Variants in KCNIP4 observed in about 807,000 individuals in gnomAD.
KCNIP4 encodes the protein potassium voltage-gated channel interacting protein 4.
Under a neutral mutation model 34.0 loss-of-function variants are expected in KCNIP4, and 12 were observed. That is an observed-to-expected ratio of 0.35 (90% confidence interval 0.23 to 0.57). The LOEUF is 0.57. Ranked by LOEUF, KCNIP4 falls within the 20% of genes least tolerant of loss-of-function variation. KCNIP4 has a pLI of 0.83. For synonymous variants in KCNIP4, 124 were observed against 102.2 expected (o/e 1.21, Z -1.29); for missense variants, 238 against 311.7 (o/e 0.76, Z 1.78).
chr4:20,729,235 G>A lies in KCNIP4; in HGVS notation c.*847C>T, dbSNP rs1747082091. The A allele has an allele frequency of 6.6e-6, 1 of 151,984 alleles. No individual in the cohort carries two copies. The highest frequency in any genetic ancestry group is 1.5e-5 in the Non-Finnish European group (1 of 68,000). 9.4% of individuals were successfully genotyped at this position (151,984 alleles called of 1,614,324 possible). On this transcript the variant is annotated 3_prime_UTR_variant, in exon 9 of 9. Transcript: ENST00000382152. ...TGTTATTAAGCATTACTATATACTGGAGGATAGATATCCTGACCCTTTGCA... is the reference window on the plus strand; with the variant it reads ...TGTTATTAAGCATTACTATATACTGAAGGATAGATATCCTGACCCTTTGCA...
At chr4:21,679,096 A>AT (rs1750142537) in intron 1 of KCNIP4, among the ~76,000 whole-genome samples, 1 of 152,176 alleles carries the variant, frequency 6.6e-6, no homozygotes, top group Non-Finnish European at 1.5e-5. Context: ...CAACCTGCTC[A>AT]TACCCTGACT....
chr4:20,917,217 T>C (rs569718952), intron 1 of KCNIP4, among the ~76,000 whole-genome samples: 28 of 151,342 alleles, frequency 1.9e-4, no homozygotes, highest in Admixed American at 1.1e-3. Context: ...TTTGTATTTT[T>C]AGTAGAAAGG....
At chr4:21,728,394 G>C (rs117690347) in intron 1 of KCNIP4, among the ~76,000 whole-genome samples, 3 of 152,086 alleles carry the variant, frequency 2.0e-5, no homozygotes, top group African/African-American at 7.2e-5. Flanking sequence ...CATAATTGAA[G>C]TACTTCCCAC....
chr4:21,448,245 T>C (rs547352764), intron 1 of KCNIP4, among the ~76,000 whole-genome samples: 1 of 152,066 alleles, frequency 6.6e-6, no homozygotes, highest in Non-Finnish European at 1.5e-5. Context: ...AAGTGAGGAG[T>C]ACAATAGAGA....
At chr4:21,623,762 C>CTT in intron 1 of KCNIP4, among the ~76,000 whole-genome samples, 1 of 151,456 alleles carries the variant, frequency 6.6e-6, no homozygotes, top group Non-Finnish European at 1.5e-5. Context: ...CTACTTTCTG[C>CTT]CACCTACTAC....
intron 1 of KCNIP4, among the ~76,000 whole-genome samples, chr4:21,233,996 T>C (rs1401140537): frequency 1.5e-5 from 2 of 133,888 alleles, no homozygotes; most frequent in Non-Finnish European, 3.1e-5. Flanking sequence ...ATATAACATG[T>C]ATAATATATA....
At chr4:21,101,692 T>C (rs1378277122) in intron 1 of KCNIP4, among the ~76,000 whole-genome samples, 1 of 152,170 alleles carries the variant, frequency 6.6e-6, no homozygotes, top group African/African-American at 2.4e-5. Flanking sequence ...AGATAAATTA[T>C]ACACTTAAAA....
At chr4:21,782,909 A>G (rs963303473) in intron 1 of KCNIP4, among the ~76,000 whole-genome samples, 2 of 152,196 alleles carry the variant, frequency 1.3e-5, no homozygotes, top group African/African-American at 4.8e-5. Flanking sequence ...ACTGAAAAAA[A>G]GCCAATCTCA....
intron 1 of KCNIP4, among the ~76,000 whole-genome samples, chr4:21,564,645 G>C (rs1324029472): frequency 6.6e-6 from 1 of 152,064 alleles, no homozygotes; most frequent in Admixed American, 6.6e-5. Flanking sequence ...ACTATGAAGA[G>C]ATACCTGAGG....
intron 1 of KCNIP4, among the ~76,000 whole-genome samples, chr4:21,215,145 T>C (rs1046637831): frequency 1.3e-5 from 2 of 152,236 alleles, no homozygotes; most frequent in Non-Finnish European, 2.9e-5. Context: ...CACTCTGACA[T>C]GTTTTTGGAG....
At chr4:20,770,582 A>G (rs918084014) in intron 3 of KCNIP4, among the ~76,000 whole-genome samples, 2 of 152,192 alleles carry the variant, frequency 1.3e-5, no homozygotes, top group Non-Finnish European at 2.9e-5. Flanking sequence ...CAGCTGCAGC[A>G]TGCACAGATT....
At chr4:20,808,798 G>A (rs1223221381) in intron 3 of KCNIP4, among the ~76,000 whole-genome samples, 1 of 152,072 alleles carries the variant, frequency 6.6e-6, no homozygotes, top group African/African-American at 2.4e-5. Context: ...TAATTAAGAT[G>A]AACTAGTTAA....
chr4:21,665,746 T>C (rs1375685794), intron 1 of KCNIP4, among the ~76,000 whole-genome samples: 2 of 152,142 alleles, frequency 1.3e-5, no homozygotes, highest in African/African-American at 4.8e-5. Flanking sequence ...TATCAGGCAT[T>C]TGGCAAAACT....
At position 21,589,202 on chromosome 4, in the gene KCNIP4, G is replaced by GTATCTATACA. The variant is rs1741939419; in HGVS notation, c.61+359368_61+359369insTGTATAGATA. Among the ~76,000 whole-genome samples, 3 of 15,984 alleles carry GTATCTATACA rather than the reference G, an allele frequency of 1.9e-4. 1 individual carries two copies. The highest frequency in any genetic ancestry group is 7.0e-4 in the African/African-American group (3 of 4,280). The allele number at this position is 15,984 out of a possible 152,430, so 10.5% of individuals were successfully genotyped here. On this transcript the variant is annotated intron_variant, in intron 1 of 8. Coordinates refer to ENST00000382152, the MANE Select transcript of KCNIP4 (RefSeq NM_025221.6). ...TATATATATATATATATATATATAT[G>GTATCTATACA]TGTACATATATAAGTACACATGTAT...
rs927317169 is a variant in KCNIP4 at position 21,373,586 on chromosome 4, A to G, written c.62-490877T>C. Among the ~76,000 whole-genome samples, 4 of 147,442 alleles carry G rather than the reference A, an allele frequency of 2.7e-5. 1 individual carries two copies. Among genetic ancestry groups the G allele is most frequent in the Admixed American group, 2.0e-4 (3 of 15,166 alleles). On this transcript the variant is annotated intron_variant, in intron 1 of 8. Transcript: ENST00000382152. The stretch of plus-strand genomic sequence containing the variant: ...TATTTGATATCAATAAGAAGAGCCA[A>G]AAAATTTAAGGCCAAACTACAAAGG...
At chr4:21,415,094 T>TC (rs549099668) in intron 1 of KCNIP4, among the ~76,000 whole-genome samples, 5 of 151,902 alleles carry the variant, frequency 3.3e-5, no homozygotes, top group South Asian at 2.1e-4. Flanking sequence ...CCATCCCCAT[T>TC]CCCCCCCAGT....
At chr4:21,644,078 TA>T (rs5856655) in intron 1 of KCNIP4, among the ~76,000 whole-genome samples, 68,632 of 150,926 alleles carry the variant, frequency 0.45, 15,780 homozygotes, top group Non-Finnish European at 0.5. Flanking sequence ...GTCCTGGTTT[TA>T]AAAAAAAAAT....
At chr4:21,713,947 T>C (rs1713946108) in intron 1 of KCNIP4, among the ~76,000 whole-genome samples, 1 of 152,196 alleles carries the variant, frequency 6.6e-6, no homozygotes, top group Non-Finnish European at 1.5e-5. Flanking sequence ...GATATGAATA[T>C]GTATGCATTT....
At chr4:21,822,153 G>T (rs1722393217) in intron 1 of KCNIP4, among the ~76,000 whole-genome samples, 1 of 152,226 alleles carries the variant, frequency 6.6e-6, no homozygotes, top group Admixed American at 6.5e-5. Context: ...TTTACCAAGA[G>T]ACATATTGAT....
Sources: gnomAD v4.1 joint callset for allele counts (sites outside exome capture counted in the v4.1 genomes callset) on GRCh38, gnomAD v4.1.1 for gene constraint, MANE v1.5 for transcripts, NCBI Gene and HGNC (gene_info 2026-07-23, HGNC 2026-07-21) for gene names.